Variants in TUBGCP3 observed in about 807,000 individuals in gnomAD.
TUBGCP3 encodes the protein tubulin gamma complex component 3, also known as gamma-tubulin complex component 3.
TUBGCP3 carries 50 observed loss-of-function variants against 123.1 expected under a neutral mutation model. The observed-to-expected ratio is 0.41, with a 90% CI of 0.32 to 0.51. The LOEUF (loss-of-function observed/expected upper bound fraction) is 0.51. Ranked by LOEUF, TUBGCP3 falls within the 20% of genes least tolerant of loss-of-function variation. The probability of loss-of-function intolerance (pLI) is 0.36; values close to 1 mark genes in which losing one functional copy is unlikely to be tolerated. For missense variants in TUBGCP3, 882 were observed against 1,127.0 expected (o/e 0.78, Z 3.11); for synonymous variants, 405 against 413.9 (o/e 0.98, Z 0.26).
intron 19 of TUBGCP3, among the ~76,000 whole-genome samples, chr13:112,500,842 G>A (rs547083724): frequency 5.3e-5 from 8 of 152,298 alleles, no homozygotes; most frequent in Middle Eastern, 3.4e-3. Context: ...AATATTTTCC[G>A]TTATGAAAGC....
At chr13:112,602,187 G>C in the TUBGCP3 span, among the ~76,000 whole-genome samples, 1 of 152,182 alleles carries the variant, frequency 6.6e-6, no homozygotes, top group East Asian at 1.9e-4. Flanking sequence ...TCAGACATTT[G>C]TGATTGCTTA....
intron 17 of TUBGCP3, among the ~76,000 whole-genome samples, chr13:112,509,618 G>A (rs1004962085): frequency 2.6e-5 from 4 of 152,172 alleles, no homozygotes; most frequent in Non-Finnish European, 4.4e-5. Context: ...AATGAGTACG[G>A]AGGACAGTAT....
rs1879615115 is a variant in TUBGCP3, at chr13:112,485,768, C to G, written c.*225G>C. On this transcript the variant is annotated 3_prime_UTR_variant, in exon 22 of 22. Transcript: ENST00000261965. ...GAAGACTTTTAGAGACAAATGTGAACAGTGCAGCCAGCCTACTTGACTTAG... is the reference window on the plus strand; with the variant it reads ...GAAGACTTTTAGAGACAAATGTGAAGAGTGCAGCCAGCCTACTTGACTTAG... 7 of 516,802 alleles carry G rather than the reference C, an allele frequency of 1.4e-5. No individual in the cohort carries two copies. Among genetic ancestry groups the G allele is most frequent in the Non-Finnish European group, 1.4e-5 (4 of 295,776 alleles). The allele number at this position is 516,802 out of a possible 1,614,324, so 32.0% of individuals were successfully genotyped here.
At chr13:112,503,063 G>A (rs1389485701) in intron 19 of TUBGCP3, among the ~76,000 whole-genome samples, 1 of 152,114 alleles carries the variant, frequency 6.6e-6, no homozygotes, top group East Asian at 1.9e-4. Context: ...CTGAAGTGGC[G>A]TGTTTTCCAC....
Position 112,520,183 on chromosome 13 carries a change from G to A in TUBGCP3, c.1746-162C>T, listed in dbSNP as rs974648204. Among the ~76,000 whole-genome samples the A allele has an allele frequency of 5.3e-5, 8 of 152,172 alleles. No individual in the cohort carries two copies. The East Asian group carries it at 1.5e-3, about 29-fold the overall frequency. The stretch of plus-strand genomic sequence containing the variant: ...CAACAAAAGCTTCAGAGCATTAACT[G>A]CAAACAGGGCTTACTAATTATTGTG... On this transcript the variant is annotated intron_variant, in intron 14 of 21. Transcript: ENST00000261965.
rs1371788098 is a variant in TUBGCP3 at position 112,503,957 on chromosome 13, C to T, written c.2307+75G>A. On this transcript the variant is annotated intron_variant, in intron 19 of 21. Transcript: ENST00000261965. ...GCTGCATCAGGGCATTTCTAAGATT[C>T]CCCCATTTGACAGGAACCCAAGAAA... 3.3e-6 allele frequency: 5 copies of T among 1,511,128 alleles called. No homozygotes were observed. In the African/African-American group the frequency reaches 5.6e-5, roughly 17 times the overall value. 93.6% of individuals were successfully genotyped at this position (1,511,128 alleles called of 1,614,324 possible). A position where few individuals can be genotyped will look rare whatever the true frequency, so the allele number is the denominator to read the frequency against.
intron 20 of TUBGCP3, among the ~76,000 whole-genome samples, chr13:112,490,444 A>G (rs1313463556): frequency 6.6e-6 from 1 of 152,132 alleles, no homozygotes; most frequent in Non-Finnish European, 1.5e-5. Flanking sequence ...TAGTAGAGAC[A>G]GGGTTTCACC....
chr13:112,492,506 T>C (rs1220859470), intron 20 of TUBGCP3, among the ~76,000 whole-genome samples: 1 of 152,262 alleles, frequency 6.6e-6, no homozygotes, highest in Non-Finnish European at 1.5e-5. Flanking sequence ...CACCCAGATG[T>C]TCCTGTGGCC....
chr13:112,539,543 C>T (rs933035129), intron 11 of TUBGCP3, among the ~76,000 whole-genome samples: 1 of 152,224 alleles, frequency 6.6e-6, no homozygotes. Context: ...ATTAGTGAAG[C>T]AAACAAGAGT....
intron 5 of TUBGCP3, among the ~76,000 whole-genome samples, chr13:112,557,762 T>A (rs1263279236): frequency 2.0e-5 from 3 of 152,224 alleles, no homozygotes; most frequent in Non-Finnish European, 4.4e-5. Flanking sequence ...CTTAAAGACC[T>A]CAGCACTCAA....
rs141172795 is a variant in TUBGCP3, at chr13:112,550,705, T to C, written c.967-2529A>G. On this transcript the variant is annotated intron_variant, in intron 8 of 21. Coordinates refer to ENST00000261965, the MANE Select transcript of TUBGCP3 (RefSeq NM_006322.6). ...GGTAATATTTACAGAGAAAACGACATGGAATCTGCTCAGGCACAGCATCAC... is the reference window on the plus strand; with the variant it reads ...GGTAATATTTACAGAGAAAACGACACGGAATCTGCTCAGGCACAGCATCAC... Among the ~76,000 whole-genome samples the C allele has an allele frequency of 5.8e-3, 881 of 152,348 alleles. 9 individuals carry two copies. Among genetic ancestry groups the C allele is most frequent in the African/African-American group, 0.02 (847 of 41,592 alleles).
the TUBGCP3 span, among the ~76,000 whole-genome samples, chr13:112,600,046 A>G: frequency 6.6e-6 from 1 of 152,234 alleles, no homozygotes; most frequent in African/African-American, 2.4e-5. Context: ...CCATGCTAAG[A>G]CTACGAATCC....
chr13:112,536,238 T>A (rs1878047399), intron 11 of TUBGCP3, among the ~76,000 whole-genome samples: 1 of 152,272 alleles, frequency 6.6e-6, no homozygotes, highest in African/African-American at 2.4e-5. Context: ...CCCTTGTACT[T>A]CCCTGTGAAT....
chr13:112,588,320 G>A (rs1357013794), upstream of TUBGCP3, among the ~76,000 whole-genome samples: 1 of 152,224 alleles, frequency 6.6e-6, no homozygotes, highest in Admixed American at 6.5e-5. Flanking sequence ...GGACAGAGCG[G>A]CCCCGGAGTC....
chr13:112,535,339 A>G (rs539550269), intron 11 of TUBGCP3, among the ~76,000 whole-genome samples: 1 of 152,324 alleles, frequency 6.6e-6, no homozygotes, highest in Admixed American at 6.5e-5. Flanking sequence ...TGGTAAATCC[A>G]TATTTAATTT....
intron 2 of TUBGCP3, among the ~76,000 whole-genome samples, chr13:112,565,904 C>A (rs765223098): frequency 5.3e-5 from 8 of 149,982 alleles, no homozygotes; most frequent in Non-Finnish European, 8.9e-5. Flanking sequence ...CACTGCACTC[C>A]AGCCTGGCCG....
At chr13:112,517,920 G>T (rs1031725683) in intron 16 of TUBGCP3, among the ~76,000 whole-genome samples, 4 of 152,108 alleles carry the variant, frequency 2.6e-5, no homozygotes, top group Non-Finnish European at 4.4e-5. Context: ...TAAATAATTT[G>T]TTAAAATATC....
chr13:112,589,628 C>T (rs140121787), upstream of TUBGCP3, among the ~76,000 whole-genome samples: 1 of 152,178 alleles, frequency 6.6e-6, no homozygotes, highest in African/African-American at 2.4e-5. Context: ...GGATTTTTAA[C>T]CTTTTCTAGT....
intron 11 of TUBGCP3, chr13:112,544,945 T>G (rs1194891908): frequency 6.6e-6 from 1 of 152,280 alleles, no homozygotes; most frequent in Admixed American, 6.5e-5. Flanking sequence ...CACAGGCCAC[T>G]GCAGCCAGCA....
Sources: gnomAD v4.1 joint callset for allele counts (sites outside exome capture counted in the v4.1 genomes callset) on GRCh38, gnomAD v4.1.1 for gene constraint, MANE v1.5 for transcripts, NCBI Gene and HGNC (gene_info 2026-07-23, HGNC 2026-07-21) for gene names.